GPM6A: variants seen among roughly 807,000 people sequenced by gnomAD.
GPM6A encodes neuronal membrane glycoprotein M6-a.
GPM6A carries 7 observed loss-of-function variants against 32.1 expected under a neutral mutation model. The observed-to-expected ratio is 0.22, with a 90% CI of 0.12 to 0.41. GPM6A has a LOEUF of 0.41. GPM6A is among the 10% of genes least tolerant of loss of function. The probability of loss-of-function intolerance (pLI) is 1.00; values close to 1 mark genes in which losing one functional copy is unlikely to be tolerated. For synonymous variants in GPM6A, 130 were observed against 123.4 expected, an observed-to-expected ratio of 1.05 and a Z score of -0.35; for missense variants, 235 against 347.2, an observed-to-expected ratio of 0.68 and a Z score of 2.57.
chr4:175,751,582 A>G (rs1732338883), intron 1 of GPM6A, among the ~76,000 whole-genome samples: 1 of 152,042 alleles, frequency 6.6e-6, no homozygotes, highest in Admixed American at 6.6e-5. Flanking sequence ...GGGTTTCTGG[A>G]GAGAGAGAGG....
At chr4:175,890,917 T>C (rs962275297) in intron 1 of GPM6A, among the ~76,000 whole-genome samples, 1 of 152,108 alleles carries the variant, frequency 6.6e-6, no homozygotes, top group African/African-American at 2.4e-5. Flanking sequence ...ATAACATTTA[T>C]ATACATTTAA....
At chr4:175,853,031 A>C (rs565823914) in intron 1 of GPM6A, among the ~76,000 whole-genome samples, 84 of 152,206 alleles carry the variant, frequency 5.5e-4, no homozygotes, top group African/African-American at 1.9e-3. Context: ...TCTTAGATCT[A>C]ACGTCCTCTC....
chr4:175,818,035 A>G (rs1192699195), intron 1 of GPM6A, among the ~76,000 whole-genome samples: 2 of 152,086 alleles, frequency 1.3e-5, no homozygotes, highest in Non-Finnish European at 2.9e-5. Flanking sequence ...TTTCCTCTCC[A>G]ATCTATTAAT....
At chr4:175,792,340 T>G (rs919160073) in intron 1 of GPM6A, among the ~76,000 whole-genome samples, 29 of 152,296 alleles carry the variant, frequency 1.9e-4, no homozygotes, top group African/African-American at 7.0e-4. Flanking sequence ...TATTTTATTC[T>G]AAAGTTTTAC....
chr4:175,739,771 G>T (rs971533492), intron 1 of GPM6A, among the ~76,000 whole-genome samples: 1 of 152,012 alleles, frequency 6.6e-6, no homozygotes, highest in African/African-American at 2.4e-5. Context: ...CTCTTAATGT[G>T]CTGAGCCACC....
chr4:175,908,897 A>G (rs1174524378), intron 1 of GPM6A, among the ~76,000 whole-genome samples: 1 of 152,024 alleles, frequency 6.6e-6, no homozygotes, highest in East Asian at 1.9e-4. Context: ...AGAGTGAGCT[A>G]GCTTTACTGA....
At chr4:175,820,874 T>C (rs1305984756) in intron 1 of GPM6A, among the ~76,000 whole-genome samples, 1 of 152,254 alleles carries the variant, frequency 6.6e-6, no homozygotes, top group Admixed American at 6.5e-5. Context: ...CTCAATCTTT[T>C]AATGTATATG....
chr4:175,656,734 C>T (rs1020857620), intron 3 of GPM6A, among the ~76,000 whole-genome samples: 3 of 152,132 alleles, frequency 2.0e-5, no homozygotes, highest in African/African-American at 7.2e-5. Context: ...AAGAAAATCA[C>T]ACCCTGTTGA....
intron 2 of GPM6A, among the ~76,000 whole-genome samples, chr4:175,677,417 A>C (rs1232559540): frequency 6.6e-6 from 1 of 152,320 alleles, no homozygotes; most frequent in East Asian, 1.9e-4. Context: ...ATTTGTTGGC[A>C]TAAGACAAAA....
chr4:175,746,434 T>A (rs773404500), intron 1 of GPM6A, among the ~76,000 whole-genome samples: 7 of 152,224 alleles, frequency 4.6e-5, no homozygotes, highest in Non-Finnish European at 1.0e-4. Flanking sequence ...GTTCAATTAT[T>A]CTGCACCAAT....
At chr4:175,811,058 G>A (rs1734898872) in intron 1 of GPM6A, among the ~76,000 whole-genome samples, 1 of 151,990 alleles carries the variant, frequency 6.6e-6, no homozygotes, top group Non-Finnish European at 1.5e-5. Context: ...TATTACGTGT[G>A]TGTGTGTGTG....
rs115020486 is a variant in GPM6A, at chr4:175,717,883, T to A, written c.38-16116A>T. 9.6e-3 allele frequency among the ~76,000 whole-genome samples: 1,455 copies of A among 152,326 alleles called. 11 individuals are homozygous for A. Among genetic ancestry groups the A allele is most frequent in the Non-Finnish European group, 0.015 (993 of 68,022 alleles). On this transcript the variant is annotated intron_variant, in intron 1 of 6. Coordinates refer to ENST00000393658, the MANE Select transcript of GPM6A (RefSeq NM_201591.3). ...TCAGCATAAATAAGGCATTTTCTGT[T>A]GCTAAATAAGTATTATGTGTTATTT...
intron 1 of GPM6A, among the ~76,000 whole-genome samples, chr4:175,981,361 GAGAT>G (rs1190709805): frequency 1.3e-5 from 2 of 152,132 alleles, no homozygotes; most frequent in Non-Finnish European, 2.9e-5. Context: ...TTGTAATTGA[GAGAT>G]AGAACAATTT....
intron 1 of GPM6A, among the ~76,000 whole-genome samples, chr4:175,765,243 C>A (rs1732917472): frequency 6.6e-6 from 1 of 152,096 alleles, no homozygotes; most frequent in Admixed American, 6.6e-5. Flanking sequence ...AAATCATATG[C>A]AAACAGCTTG....
intron 1 of GPM6A, among the ~76,000 whole-genome samples, chr4:175,802,246 A>G (rs531847598): frequency 6.6e-6 from 1 of 152,274 alleles, no homozygotes; most frequent in Non-Finnish European, 1.5e-5. Context: ...CAGTTGTTTA[A>G]CAAGAATTCA....
intron 1 of GPM6A, among the ~76,000 whole-genome samples, chr4:175,968,398 T>C (rs963704425): frequency 3.9e-5 from 6 of 152,138 alleles, no homozygotes; most frequent in African/African-American, 7.2e-5. Context: ...ACCAAACATA[T>C]GACTCATGAA....
intron 1 of GPM6A, among the ~76,000 whole-genome samples, chr4:175,838,112 G>C (rs141449403): frequency 0.15 from 20,882 of 143,688 alleles, 2,751 homozygotes; most frequent in Middle Eastern, 0.22. Context: ...CACACACACA[G>C]ACACACACAC....
chr4:175,903,494 T>A (rs1172489126), intron 1 of GPM6A, among the ~76,000 whole-genome samples: 1 of 152,082 alleles, frequency 6.6e-6, no homozygotes, highest in Non-Finnish European at 1.5e-5. Context: ...TACTTACTAA[T>A]TACAAAGGGG....
At chr4:175,919,760 A>G (rs1364467574) in intron 1 of GPM6A, among the ~76,000 whole-genome samples, 1 of 152,230 alleles carries the variant, frequency 6.6e-6, no homozygotes, top group Non-Finnish European at 1.5e-5. Flanking sequence ...GGGTACAGTT[A>G]TTGACCAAGT....
Sources: gnomAD v4.1 joint callset for allele counts (sites outside exome capture counted in the v4.1 genomes callset) on GRCh38, gnomAD v4.1.1 for gene constraint, MANE v1.5 for transcripts, NCBI Gene and HGNC (gene_info 2026-07-23, HGNC 2026-07-21) for gene names.